The following CDK15 variants were observed in gnomAD, a reference collection of about 807,000 sequenced individuals.
The protein encoded by CDK15 is cyclin-dependent kinase 15.
A neutral mutation model predicts 60.3 loss-of-function variants in CDK15; 62 were observed. The ratio of observed to expected loss-of-function variants is 1.03; its 90% CI spans 0.84 to 1.27. The LOEUF (loss-of-function observed/expected upper bound fraction) is 1.27. CDK15 is among the 50% of genes most tolerant of loss of function. CDK15 has a pLI of 0.00. For missense variants in CDK15, 541 were observed against 527.8 expected, an observed-to-expected ratio of 1.03 and a Z score of -0.25; for synonymous variants, 194 against 195.7, an observed-to-expected ratio of 0.99 and a Z score of 0.07.
At chr2:201,834,258 C>T (rs1696909686) in intron 7 of CDK15, among the ~76,000 whole-genome samples, 1 of 152,144 alleles carries the variant, frequency 6.6e-6, no homozygotes, top group African/African-American at 2.4e-5. Context: ...GTAAACTGTA[C>T]TTAGTAAGTT....
At chr2:201,883,087 A>C (rs953204489) in intron 12 of CDK15, among the ~76,000 whole-genome samples, 4 of 152,128 alleles carry the variant, frequency 2.6e-5, no homozygotes, top group Non-Finnish European at 5.9e-5. Context: ...TTGTAAGGAG[A>C]GTTTCTCTGC....
At position 201,856,989 on chromosome 2, in the gene CDK15, C is replaced by T. The variant is rs565073132; in HGVS notation, c.1009+2052C>T. 1.0e-4 allele frequency among the ~76,000 whole-genome samples: 5 copies of T among 48,834 alleles called. 1 individual carries two copies. The highest frequency in any genetic ancestry group is 1.6e-4 in the Admixed American group (1 of 6,384). 32.0% of individuals were successfully genotyped at this position (48,834 alleles called of 152,430 possible). On this transcript the variant is annotated intron_variant, in intron 10 of 13. Transcript: ENST00000652192. Reference sequence around the variant, plus strand: ...CTGTAATCCCAGCACTTTGGGAGGCCGAGGCGGGTGGATCATGAGGTCAGG... The same window carrying T: ...CTGTAATCCCAGCACTTTGGGAGGCTGAGGCGGGTGGATCATGAGGTCAGG...
chr2:201,886,823 C>T (rs535135972), intron 12 of CDK15, among the ~76,000 whole-genome samples: 13 of 152,140 alleles, frequency 8.5e-5, no homozygotes, highest in East Asian at 5.8e-4. Context: ...TACAAATTAC[C>T]GTTAAATTAG....
At chr2:201,824,810 C>T in intron 6 of CDK15, 1 of 679,004 alleles carries the variant, frequency 1.5e-6, no homozygotes, top group Non-Finnish European at 2.1e-6. Context: ...CCTCAGCCAT[C>T]TGAAGGACAG....
intron 13 of CDK15, among the ~76,000 whole-genome samples, chr2:201,892,101 A>C (rs546226272): frequency 6.6e-6 from 1 of 152,360 alleles, no homozygotes; most frequent in South Asian, 2.1e-4. Flanking sequence ...AAGAGCAGGG[A>C]AGTTTAAAAT....
At chr2:201,840,621 G>A (rs1384688170) in intron 8 of CDK15, among the ~76,000 whole-genome samples, 1 of 152,206 alleles carries the variant, frequency 6.6e-6, no homozygotes, top group Non-Finnish European at 1.5e-5. Flanking sequence ...GTTTTCAGAA[G>A]ATAAACCCTA....
Position 201,822,860 on chromosome 2 carries a change from T to C in CDK15, c.500T>C (p.Ile167Thr). 1 of 1,613,386 alleles carries C rather than the reference T, an allele frequency of 6.2e-7. No homozygotes were observed. Among genetic ancestry groups the C allele is most frequent in the Non-Finnish European group, 8.5e-7 (1 of 1,179,410 alleles). The change falls in exon 5 of 14, where the codon ATA becomes ACA. Residue 167 changes from isoleucine to threonine, a missense_variant. Ile to Thr is a moderately conservative substitution (Grantham distance 89). Transcript: ENST00000652192. The stretch of plus-strand genomic sequence containing the variant: ...GCCAATATTGTGCTCCTGCATGACA[T>C]AATCCACACCAAAGAGACACTGACA... Reference protein sequence around the residue: ...KHANIVLLHDIIHTKETLTFV... With the variant: ...KHANIVLLHDTIHTKETLTFV...
chr2:201,825,703 T>C (rs1696453038), intron 6 of CDK15, among the ~76,000 whole-genome samples: 1 of 152,114 alleles, frequency 6.6e-6, no homozygotes. Context: ...ATGTAGACAG[T>C]TGGATTGAGT....
At chr2:201,836,055 A>AT (rs1389271753) in intron 8 of CDK15, among the ~76,000 whole-genome samples, 65,746 of 96,162 alleles carry the variant, frequency 0.68, 20,584 homozygotes, top group Admixed American at 0.74. Flanking sequence ...ATTTATATAT[A>AT]TATTATATAT....
intron 8 of CDK15, among the ~76,000 whole-genome samples, chr2:201,844,975 C>G (rs1301880192): frequency 6.6e-6 from 1 of 152,006 alleles, no homozygotes; most frequent in Non-Finnish European, 1.5e-5. Context: ...ATGGTGAAAC[C>G]CTGTCTGTAC....
In CDK15 at chr2:201,882,461, T is replaced by G. The variant is rs1699312741; in HGVS notation, c.1198+2294T>G. On this transcript the variant is annotated intron_variant, in intron 12 of 13. Coordinates refer to ENST00000652192, the MANE Select transcript of CDK15 (RefSeq NM_001366386.2). The surrounding 1 kb of genome is among the most constrained non-coding windows in gnomAD (Gnocchi z 4.0). ...AAAGGAGTTTCGTGGATGTTTCAGTTCTTTCAAATTCTCCTGGCTTCCTCC... is the reference window on the plus strand; with the variant it reads ...AAAGGAGTTTCGTGGATGTTTCAGTGCTTTCAAATTCTCCTGGCTTCCTCC... Among the ~76,000 whole-genome samples, 1 of 152,168 alleles carries G rather than the reference T, an allele frequency of 6.6e-6. No homozygotes were observed. The highest frequency in any genetic ancestry group is 1.5e-5 in the Non-Finnish European group (1 of 68,026).
chr2:201,807,434 A>G, intron 1 of CDK15, 60 bp from the exon 2 acceptor site: 7 of 1,541,482 alleles, frequency 4.5e-6, no homozygotes, highest in Non-Finnish European at 6.2e-6. Flanking sequence ...AAATGGTTTT[A>G]CCAGGCACTG....
At chr2:201,875,024 A>G (rs1699022428) in intron 11 of CDK15, among the ~76,000 whole-genome samples, 1 of 151,438 alleles carries the variant, frequency 6.6e-6, no homozygotes, top group African/African-American at 2.4e-5. Context: ...GTGCTAGGAA[A>G]TCAAAACTGC....
chr2:201,812,423 TA>T (rs1476395009), intron 3 of CDK15, 59 bp from the exon 4 acceptor site: 1 of 1,041,934 alleles, frequency 9.6e-7, no homozygotes, highest in Non-Finnish European at 1.5e-6. Context: ...CCATCTTTGG[TA>T]TAAATTGCTG....
intron 6 of CDK15, among the ~76,000 whole-genome samples, chr2:201,828,259 C>T (rs1338729927): frequency 6.6e-6 from 1 of 152,104 alleles, no homozygotes; most frequent in Non-Finnish European, 1.5e-5. Flanking sequence ...GAGCTGTGAG[C>T]TCGACGTGTA....
In CDK15 at chr2:201,823,714, C is replaced by T; in HGVS notation, c.593C>T (p.Pro198Leu). ...YMSQHPGGLH[P>L]HNVRLFMFQL... ...TCTCAGCATCCAGGAGGGCTTCATC[C>T]TCATAATGTCAGAGTGAGTACGTTA... Residue 198 changes from proline to leucine, a missense_variant, in exon 6 of 14, where the codon CCT (proline) becomes CTT (leucine). Coordinates refer to ENST00000652192, the MANE Select transcript of CDK15 (RefSeq NM_001366386.2). 2 of 1,613,734 alleles carry T rather than the reference C, an allele frequency of 1.2e-6. No individual in the cohort carries two copies. The highest frequency in any genetic ancestry group is 1.3e-5 in the African/African-American group (1 of 75,022).
intron 10 of CDK15, among the ~76,000 whole-genome samples, chr2:201,870,420 A>C (rs879830120): frequency 1.3e-5 from 2 of 152,112 alleles, no homozygotes; most frequent in Non-Finnish European, 2.9e-5. Context: ...TTTAAAACCA[A>C]AATAATGGTT....
In CDK15 at chr2:201,837,790, A is replaced by G. The variant is rs1697194805; in HGVS notation, c.851+2027A>G. ...TGGAAGAAAGGGTTTATATAAAAAC[A>G]CAAAGCCCCATTTTCAAAAATCCAT... On this transcript the variant is annotated intron_variant, in intron 8 of 13. Transcript: ENST00000652192. 2.6e-5 allele frequency among the ~76,000 whole-genome samples: 4 copies of G among 152,330 alleles called. No homozygotes were observed. In the South Asian group the frequency reaches 8.3e-4, roughly 32 times the overall value.
chr2:201,868,225 GA>G (rs1349689391), intron 10 of CDK15, among the ~76,000 whole-genome samples: 1 of 151,846 alleles, frequency 6.6e-6, no homozygotes, highest in African/African-American at 2.4e-5. Context: ...AGAGAAGCAG[GA>G]AAAAAAGAGA....
Sources: allele counts gnomAD v4.1 joint callset (sites outside exome capture counted in the v4.1 genomes callset), GRCh38; gene constraint gnomAD v4.1.1; non-coding constraint Gnocchi (gnomAD v3.1); transcripts MANE v1.5; gene names NCBI Gene and HGNC (gene_info 2026-07-23, HGNC 2026-07-21).